The following SPIRE2 variants were observed in gnomAD, a reference collection of about 807,000 sequenced individuals.
SPIRE2 encodes the protein protein spire homolog 2.
A neutral mutation model predicts 80.7 loss-of-function variants in SPIRE2; 76 were observed. The observed-to-expected ratio is 0.94, with a 90% CI of 0.78 to 1.14. SPIRE2 has a LOEUF of 1.14. SPIRE2 is among the 50% of genes most tolerant of loss of function. SPIRE2 has a pLI of 0.00. For missense variants in SPIRE2, 1,196 were observed against 1,015.3 expected, an observed-to-expected ratio of 1.18 and a Z score of -2.42; for synonymous variants, 535 against 432.6, an observed-to-expected ratio of 1.24 and a Z score of -2.94.
At position 89,850,475 on chromosome 16, in the gene SPIRE2, G is replaced by A. The variant is rs540617670; in HGVS notation, c.460G>A (p.Glu154Lys). The A allele has an allele frequency of 1.8e-5, 28 of 1,545,518 alleles. No homozygotes were observed. The highest frequency in any genetic ancestry group is 2.4e-5 in the South Asian group (2 of 81,740). Residue 154 changes from glutamate to lysine, a missense_variant, in exon 3 of 15, where the codon GAG becomes AAG. Physicochemically the swap from Glu to Lys is moderately conservative, Grantham distance 56. Transcript: ENST00000378247. ...AADEGYGGPE[E>K]EEEAEGVPRS... ...CGATGAGGGCTACGGGGGTCCCGAG[G>A]AGGAGGAGGAGGCCGAGGGCGTCCC...
intron 7 of SPIRE2, among the ~76,000 whole-genome samples, chr16:89,857,736 A>C (rs1389081963): frequency 6.6e-6 from 1 of 151,158 alleles, no homozygotes; most frequent in Non-Finnish European, 1.5e-5. Flanking sequence ...ACACCCAGCT[A>C]ATTTTGTATT....
chr16:89,832,728 A>G (rs992585160), intron 1 of SPIRE2, among the ~76,000 whole-genome samples: 6 of 152,146 alleles, frequency 3.9e-5, no homozygotes, highest in African/African-American at 1.4e-4. Context: ...AGGTGGGCAC[A>G]TTGCTTCAGC....
At chr16:89,864,287 G>A (rs2041769973) in intron 12 of SPIRE2, among the ~76,000 whole-genome samples, 1 of 152,218 alleles carries the variant, frequency 6.6e-6, no homozygotes, top group South Asian at 2.1e-4. Flanking sequence ...GGAGACCACA[G>A]CAGCTCGAGT....
rs1408017445 is a variant in SPIRE2 at position 89,828,569 on chromosome 16, T to G, written c.19T>G (p.Cys7Gly). ...CCCCGCCATGGCCCGGGCGGGCAGC[T>G]GCGGCGGCGCCGCGGCGGGCGCAGG... MARAGS[C>G]GGAAAGAGRP... Residue 7 changes from cysteine to glycine, a missense_variant, in exon 1 of 15, where the codon TGC becomes GGC. Coordinates refer to ENST00000378247, the MANE Select transcript of SPIRE2 (RefSeq NM_032451.2). This position sits in a 1 kb window ranked among gnomAD's most constrained non-coding sequence, Gnocchi z 5.9. 4 of 1,150,742 alleles carry G rather than the reference T, an allele frequency of 3.5e-6. No homozygotes were observed. In the East Asian group the frequency reaches 1.4e-4, roughly 39 times the overall value. The allele number at this position is 1,150,742 out of a possible 1,614,324, so 71.3% of individuals were successfully genotyped here. A position where few individuals can be genotyped will look rare whatever the true frequency, so the allele number is the denominator to read the frequency against.
In SPIRE2 at chr16:89,859,296, G is replaced by A; in HGVS notation, c.1404G>A (p.Glu468=). 2 of 1,600,514 alleles carry A rather than the reference G, an allele frequency of 1.2e-6. No homozygotes were observed. Among genetic ancestry groups the A allele is most frequent in the Non-Finnish European group, 1.7e-6 (2 of 1,177,906 alleles). ...QSATHPPGGT[E]PPRPRAGSAH... The stretch of plus-strand genomic sequence containing the variant: ...CCACCCACCCCCCAGGAGGGACGGA[G>A]CCACCACGGCCCCGAGCTGGCAGTG... Residue 468 remains glutamate (E), a synonymous_variant, in exon 9 of 15, where the codon GAG becomes GAA. Coordinates refer to ENST00000378247, the MANE Select transcript of SPIRE2 (RefSeq NM_032451.2).
chr16:89,845,429 G>A, intron 2 of SPIRE2, 64 bp downstream of exon 2: 2 of 1,392,546 alleles, frequency 1.4e-6, no homozygotes, highest in Non-Finnish European at 2.0e-6. Context: ...ATCTTAAAAT[G>A]TAAATCATAA....
At chr16:89,840,870 C>T (rs1195804242) in intron 1 of SPIRE2, among the ~76,000 whole-genome samples, 1 of 151,882 alleles carries the variant, frequency 6.6e-6, no homozygotes, top group African/African-American at 2.4e-5. Flanking sequence ...ATCTCCTGAC[C>T]TCATGATCCG....
intron 10 of SPIRE2, chr16:89,862,231 C>T (rs1394842464): frequency 6.6e-6 from 1 of 152,136 alleles, no homozygotes; most frequent in African/African-American, 2.4e-5. Flanking sequence ...TTTCGATCTC[C>T]TGACCTCATC....
intron 2 of SPIRE2, 179 bp from the exon 3 acceptor site, chr16:89,850,125 C>G (rs540529248): frequency 1.4e-6 from 1 of 713,438 alleles, no homozygotes; most frequent in Non-Finnish European, 2.5e-6. Flanking sequence ...TGTGGGCCAC[C>G]GCGCCCGGCC....
Position 89,863,667 on chromosome 16 carries a change from C to G in SPIRE2, c.1710+57C>G, listed in dbSNP as rs1001044896. ...TGCCCGCTGGGTCAGGGGCGGGTGC[C>G]GAGAGGGCCAGTTCCCAGGACTGTT... On this transcript the variant is annotated intron_variant, in intron 11 of 14. Transcript: ENST00000378247. This position sits in a 1 kb window ranked among gnomAD's most constrained non-coding sequence, Gnocchi z 4.3. 2.5e-6 allele frequency: 4 copies of G among 1,613,290 alleles called. No individual in the cohort carries two copies. Among genetic ancestry groups the G allele is most frequent in the Admixed American group, 1.7e-5 (1 of 59,980 alleles).
chr16:89,860,930 G>T, intron 10 of SPIRE2, 135 bp downstream of exon 10: 2 of 568,872 alleles, frequency 3.5e-6, no homozygotes, highest in Non-Finnish European at 5.8e-6. Flanking sequence ...CGTCTGGGGG[G>T]GCGCGGTCTG....
At chr16:89,867,393 T>C (rs762620143) in intron 12 of SPIRE2, among the ~76,000 whole-genome samples, 1 of 152,094 alleles carries the variant, frequency 6.6e-6, no homozygotes, top group African/African-American at 2.4e-5. Flanking sequence ...TCCACCTGCC[T>C]TGGCCTCCCA....
At chr16:89,844,324 A>G (rs2041536407) in intron 1 of SPIRE2, among the ~76,000 whole-genome samples, 1 of 151,708 alleles carries the variant, frequency 6.6e-6, no homozygotes, top group African/African-American at 2.4e-5. Flanking sequence ...GCTCTCCACT[A>G]TGCCTGGCTC....
chr16:89,839,541 C>T (rs114192902), intron 1 of SPIRE2, among the ~76,000 whole-genome samples: 16 of 152,246 alleles, frequency 1.1e-4, no homozygotes, highest in Non-Finnish European at 1.5e-4. Flanking sequence ...GGGTGTGCTG[C>T]GTCCCCCTGT....
In SPIRE2 at chr16:89,842,208, A is replaced by ATTTTTTTTTT. The variant is rs71137682; in HGVS notation, c.245-3101_245-3092dup. On this transcript the variant is annotated intron_variant, in intron 1 of 14. Coordinates refer to ENST00000378247, the MANE Select transcript of SPIRE2 (RefSeq NM_032451.2). ...ATACAATTAGATTCATGAACACGTA[A>ATTTTTTTTTT]TTTTTTTTTTTTTTTTTTTTTTGTG... is the stretch of plus-strand genomic sequence containing the variant. Among the ~76,000 whole-genome samples the ATTTTTTTTTT allele has an allele frequency of 7.0e-4, 57 of 81,310 alleles. 11 individuals are homozygous for ATTTTTTTTTT. The highest frequency in any genetic ancestry group is 2.1e-3 in the African/African-American group (35 of 16,344). The allele number at this position is 81,310 out of a possible 152,430, so 53.3% of individuals were successfully genotyped here.
chr16:89,834,904 G>A (rs373014163), intron 1 of SPIRE2, among the ~76,000 whole-genome samples: 6 of 105,028 alleles, frequency 5.7e-5, no homozygotes, highest in African/African-American at 2.3e-4. Flanking sequence ...GTCGTAGAAG[G>A]CCCCACAAGC....
At chr16:89,849,633 C>G (rs2041602015) in intron 2 of SPIRE2, among the ~76,000 whole-genome samples, 1 of 152,130 alleles carries the variant, frequency 6.6e-6, no homozygotes, top group Non-Finnish European at 1.5e-5. Context: ...CACCTGGGGA[C>G]CACCTGGGCC....
At chr16:89,833,686 G>A (rs1284910017) in intron 1 of SPIRE2, among the ~76,000 whole-genome samples, 1 of 152,240 alleles carries the variant, frequency 6.6e-6, no homozygotes, top group Admixed American at 6.5e-5. Context: ...GGCTCCGGAA[G>A]CACTGGCCAG....
Position 89,854,656 on chromosome 16 carries a change from G to A in SPIRE2, c.891+5G>A. 1 of 1,610,712 alleles carries A rather than the reference G, an allele frequency of 6.2e-7. No homozygotes were observed. Among genetic ancestry groups the A allele is most frequent in the Non-Finnish European group, 8.5e-7 (1 of 1,178,498 alleles). On this transcript the variant is annotated splice_donor_5th_base_variant and intron_variant, in intron 5 of 14. Transcript: ENST00000378247. ...TACAAGCTGCGCAAGGTCATGGTGA[G>A]CGGGGCAGACGCAGAGGGGCAGCCT...
Sources: allele counts gnomAD v4.1 joint callset (sites outside exome capture counted in the v4.1 genomes callset), GRCh38; gene constraint gnomAD v4.1.1; non-coding constraint Gnocchi (gnomAD v3.1); transcripts MANE v1.5; gene names NCBI Gene and HGNC (gene_info 2026-07-23, HGNC 2026-07-21).